The following FAM222B variants were observed in gnomAD, a reference collection of about 807,000 sequenced individuals.
The protein encoded by FAM222B is family with sequence similarity 222 member B.
A neutral mutation model predicts 38.0 loss-of-function variants in FAM222B; 12 were observed. The ratio of observed to expected loss-of-function variants is 0.32; its 90% CI spans 0.20 to 0.51. The LOEUF is 0.51. Ranked by LOEUF, FAM222B falls within the 20% of genes least tolerant of loss-of-function variation. The probability of loss-of-function intolerance (pLI) is 0.97; values close to 1 mark genes in which losing one functional copy is unlikely to be tolerated. For synonymous variants in FAM222B, 329 were observed against 317.2 expected, an observed-to-expected ratio of 1.04 and a Z score of -0.40; for missense variants, 716 against 754.2, an observed-to-expected ratio of 0.95 and a Z score of 0.59.
intron 1 of FAM222B, among the ~76,000 whole-genome samples, chr17:28,815,986 T>G (rs1328108245): frequency 7.8e-6 from 1 of 128,650 alleles, no homozygotes; most frequent in Non-Finnish European, 1.6e-5. Context: ...AAAAAAAAAT[T>G]AAGGCACGGC....
rs572701619 is a variant in FAM222B at position 28,774,050 on chromosome 17, A to G, written c.-40-7343T>C. On this transcript the variant is annotated intron_variant, in intron 1 of 2. Transcript: ENST00000581407. ...ATGTCAGAATAAAGGAATCCTCCAGAGGCCTGGCGGCTGAGTGGAGGCATT... is the reference window on the plus strand; with the variant it reads ...ATGTCAGAATAAAGGAATCCTCCAGGGGCCTGGCGGCTGAGTGGAGGCATT... Among the ~76,000 whole-genome samples the G allele has an allele frequency of 8.5e-5, 13 of 152,340 alleles. No homozygotes were observed. In the South Asian group the frequency reaches 2.7e-3, roughly 32 times the overall value.
chr17:28,805,025 G>A (rs887378644), intron 1 of FAM222B, among the ~76,000 whole-genome samples: 3 of 151,382 alleles, frequency 2.0e-5, no homozygotes, highest in African/African-American at 4.9e-5. Context: ...TGGTCTGGGC[G>A]ACAGAGCGAG....
intron 1 of FAM222B, among the ~76,000 whole-genome samples, chr17:28,819,479 G>C (rs4795464): frequency 0.19 from 28,662 of 152,076 alleles, 2,837 homozygotes; most frequent in South Asian, 0.3. Context: ...ATTTTGTCTT[G>C]ATAGTACTGC....
chr17:28,806,475 T>C (rs2037501554), intron 1 of FAM222B, among the ~76,000 whole-genome samples: 1 of 152,120 alleles, frequency 6.6e-6, no homozygotes, highest in Non-Finnish European at 1.5e-5. Context: ...AAACTTCAAT[T>C]TGGAAGTCGG....
chr17:28,786,219 G>T (rs1027844304), intron 1 of FAM222B, among the ~76,000 whole-genome samples: 10 of 152,026 alleles, frequency 6.6e-5, no homozygotes, highest in African/African-American at 2.4e-4. Flanking sequence ...CCAACACTTT[G>T]CAATGTAACT....
chr17:28,785,327 T>G (rs2151853389), intron 1 of FAM222B, among the ~76,000 whole-genome samples: 1 of 152,338 alleles, frequency 6.6e-6, no homozygotes, highest in South Asian at 2.1e-4. Context: ...TTTTCATGAC[T>G]GTTATCTATA....
intron 1 of FAM222B, among the ~76,000 whole-genome samples, chr17:28,784,789 C>T (rs1177720438): frequency 2.0e-5 from 3 of 152,062 alleles, no homozygotes; most frequent in Non-Finnish European, 4.4e-5. Context: ...GCTCTGTCAC[C>T]CAGGCTTCAA....
intron 1 of FAM222B, among the ~76,000 whole-genome samples, chr17:28,791,579 ACAAAAAAACACCTACCCTAAGCCAGGTG>A (rs2036686805): frequency 6.6e-6 from 1 of 152,056 alleles, no homozygotes; most frequent in Admixed American, 6.6e-5. Context: ...AAAACAAAAA[ACAAAAAAACACCTACCCTAAGCCAGGTG>A]CAGTGGCTCA....
At chr17:28,763,860 T>C (rs1242415232) in intron 2 of FAM222B, among the ~76,000 whole-genome samples, 1 of 152,314 alleles carries the variant, frequency 6.6e-6, no homozygotes, top group South Asian at 2.1e-4. Context: ...CTTTATCCAG[T>C]CATTGGGTCA....
chr17:28,777,336 C>T (rs1271850664), intron 1 of FAM222B, among the ~76,000 whole-genome samples: 1 of 152,204 alleles, frequency 6.6e-6, no homozygotes, highest in African/African-American at 2.4e-5. Flanking sequence ...CATCCTGTTT[C>T]CTGTCCCCAC....
At chr17:28,825,359 C>A (rs986124077) in intron 1 of FAM222B, among the ~76,000 whole-genome samples, 15 of 141,420 alleles carry the variant, frequency 1.1e-4, no homozygotes, top group African/African-American at 3.6e-4. Context: ...TCCCTTAGCC[C>A]GGTGGTGGAG....
chr17:28,842,608 C>G (rs2039084723), intron 1 of FAM222B, 74 bp downstream of exon 1: 1 of 152,470 alleles, frequency 6.6e-6, no homozygotes, highest in African/African-American at 2.4e-5. Context: ...GAGCCCACCC[C>G]ACAAAGTCAT....
At position 28,851,640 on chromosome 17, in the gene FAM222B, C is replaced by T. The variant is rs935853981; in HGVS notation, c.-41+3310G>A. 8.6e-5 allele frequency among the ~76,000 whole-genome samples: 13 copies of T among 151,830 alleles called. 1 individual carries two copies. The highest frequency in any genetic ancestry group is 5.9e-4 in the Admixed American group (9 of 15,214). On this transcript the variant is annotated intron_variant, in intron 1 of 2. Transcript: ENST00000577513. ...TCCCTGTAATCCCAGCACTTTGGGA[C>T]GCCAAGGCGGGCAGATCACCGGGTC...
intron 1 of FAM222B, among the ~76,000 whole-genome samples, chr17:28,810,257 T>G (rs2037690991): frequency 6.6e-6 from 1 of 152,210 alleles, no homozygotes. Flanking sequence ...CCCAAAGTGC[T>G]GGGATTACAG....
chr17:28,827,754 T>C (rs1170477299), intron 1 of FAM222B, among the ~76,000 whole-genome samples: 1 of 151,890 alleles, frequency 6.6e-6, no homozygotes, highest in Non-Finnish European at 1.5e-5. Context: ...TATAATAAAG[T>C]GAGGAAGGAA....
At chr17:28,787,026 G>A (rs1347066639) in intron 1 of FAM222B, among the ~76,000 whole-genome samples, 1 of 148,682 alleles carries the variant, frequency 6.7e-6, no homozygotes, top group African/African-American at 2.5e-5. Context: ...CTGGGTTCAC[G>A]CCATTCTCCT....
intron 1 of FAM222B, among the ~76,000 whole-genome samples, chr17:28,804,438 G>A (rs1319080469): frequency 1.5e-4 from 23 of 151,858 alleles, no homozygotes; most frequent in East Asian, 3.9e-4. Flanking sequence ...GGGTTCAAGC[G>A]ATTCTCCTGC....
At chr17:28,811,726 A>C (rs916562712) in intron 1 of FAM222B, among the ~76,000 whole-genome samples, 19 of 152,304 alleles carry the variant, frequency 1.2e-4, no homozygotes, top group African/African-American at 4.6e-4. Context: ...ACTAACAACT[A>C]TCAGGATTTC....
Position 28,759,161 on chromosome 17 carries a change from A to G in FAM222B, c.798T>C (p.Ser266=), listed in dbSNP as rs770874565. The G allele has an allele frequency of 2.7e-5, 44 of 1,612,448 alleles. No individual in the cohort carries two copies. The South Asian group carries it at 4.7e-4, about 17-fold the overall frequency. The change falls in exon 3 of 3, where the codon AGT becomes AGC. Residue 266 remains serine, a synonymous_variant. Coordinates refer to ENST00000581407, the MANE Select transcript of FAM222B (RefSeq NM_001077498.3). This position sits in a 1 kb window ranked among gnomAD's most constrained non-coding sequence, Gnocchi z 4.8. The stretch of plus-strand genomic sequence containing the variant: ...ACTGGTTGATCTGGTGCACGATGCT[A>G]CTCAGGTCCGGAGGCTGGCTGTGCT... ...TLQHSQPPDL[S]SIVHQINQFC...
Sources: allele counts gnomAD v4.1 joint callset (sites outside exome capture counted in the v4.1 genomes callset), GRCh38; gene constraint gnomAD v4.1.1; non-coding constraint Gnocchi (gnomAD v3.1); transcripts MANE v1.5; gene names NCBI Gene and HGNC (gene_info 2026-07-23, HGNC 2026-07-21).